DNAH11: variants seen among roughly 807,000 people sequenced by gnomAD.
DNAH11 encodes the protein dynein axonemal heavy chain 11, also known as axonemal beta dynein heavy chain 11.
DNAH11 carries 442 observed loss-of-function variants against 526.0 expected under a neutral mutation model. The observed-to-expected ratio is 0.84, with a 90% CI of 0.78 to 0.91. DNAH11 has a LOEUF of 0.91. Among genes scored for constraint, DNAH11 ranks in the 40% least tolerant of loss-of-function variants. The probability of loss-of-function intolerance (pLI) is 0.00; values close to 1 mark genes in which losing one functional copy is unlikely to be tolerated. For synonymous variants in DNAH11, 2,461 were observed against 1,935.9 expected (o/e 1.27, Z -7.12); for missense variants, 6,989 against 5,448.7 (o/e 1.28, Z -8.90).
Position 21,892,638 on chromosome 7 carries a change from G to T in DNAH11, c.12721G>T (p.Asp4241Tyr), listed in dbSNP as rs750364522. 4 of 1,610,720 alleles carry T rather than the reference G, an allele frequency of 2.5e-6. No homozygotes were observed. Among genetic ancestry groups the T allele is most frequent in the Non-Finnish European group, 3.4e-6 (4 of 1,178,030 alleles). ...EMQPRNALSG[D>Y]ELGQSTEEKV... is the part of the protein sequence containing the mutation. ...GCAGCCCAGGAATGCACTCAGTGGT[G>T]ATGAACTGGGGCAGTCTACAGAAGA... Residue 4241 changes from aspartate (D) to tyrosine (Y), a missense_variant, in exon 77 of 82, where the codon GAT (aspartate) becomes TAT (tyrosine). Coordinates refer to ENST00000409508, the MANE Select transcript of DNAH11 (RefSeq NM_001277115.2).
At chr7:21,632,351 C>T (rs988850794) in intron 25 of DNAH11, among the ~76,000 whole-genome samples, 2 of 152,194 alleles carry the variant, frequency 1.3e-5, no homozygotes, top group Non-Finnish European at 2.9e-5. Context: ...GTTACTTTTG[C>T]AAATTTCTGC....
chr7:21,573,089 A>G lies in DNAH11; in HGVS notation c.1593+1116A>G, dbSNP rs189871956. On this transcript the variant is annotated intron_variant, in intron 8 of 81. Transcript: ENST00000409508. ...GCAAGAGAGTCTTGATTTTGTTATAATTACAAAAACTGGCAAGTTTTCAGA... is the reference window on the plus strand; with the variant it reads ...GCAAGAGAGTCTTGATTTTGTTATAGTTACAAAAACTGGCAAGTTTTCAGA... Among the ~76,000 whole-genome samples the G allele has an allele frequency of 5.4e-3, 817 of 152,292 alleles. 10 individuals are homozygous for G. The highest frequency in any genetic ancestry group is 0.031 in the Admixed American group (478 of 15,286).
chr7:21,744,026 G>A (rs988551351), intron 49 of DNAH11, among the ~76,000 whole-genome samples: 2 of 152,020 alleles, frequency 1.3e-5, no homozygotes, highest in African/African-American at 4.8e-5. Flanking sequence ...CTTTACTCTT[G>A]GTCTTGTATT....
chr7:21,722,637 A>C (rs369982140), intron 44 of DNAH11, among the ~76,000 whole-genome samples: 2 of 152,106 alleles, frequency 1.3e-5, no homozygotes, highest in South Asian at 4.1e-4. Flanking sequence ...CTCAGAAGCC[A>C]GATTCCTTCT....
At chr7:21,650,850 G>A (rs907011958) in intron 28 of DNAH11, among the ~76,000 whole-genome samples, 1 of 151,554 alleles carries the variant, frequency 6.6e-6, no homozygotes, top group South Asian at 2.1e-4. Flanking sequence ...ATATTGGCCA[G>A]GCTGGTCTCG....
At chr7:21,823,693 CA>C (rs1385736464) in intron 65 of DNAH11, among the ~76,000 whole-genome samples, 1 of 151,890 alleles carries the variant, frequency 6.6e-6, no homozygotes, top group East Asian at 1.9e-4. Context: ...TTAACCAAAA[CA>C]AAAACAGAGC....
chr7:21,673,427 A>G (rs745514344), intron 30 of DNAH11, among the ~76,000 whole-genome samples: 2 of 152,224 alleles, frequency 1.3e-5, no homozygotes, highest in Non-Finnish European at 2.9e-5. Context: ...CCTGTCAGTC[A>G]GTGCTTTTAT....
In DNAH11 at chr7:21,687,547, T is replaced by C; in HGVS notation, c.5924+20T>C. On this transcript the variant is annotated intron_variant, in intron 34 of 81. Transcript: ENST00000409508. ...GAAGAGGTGAGTGGCATGCAGGCTA[T>C]CTCTTGTTACAAATAGAAAAACATG... The C allele has an allele frequency of 6.2e-7, 1 of 1,609,860 alleles. No individual in the cohort carries two copies.
In DNAH11 at chr7:21,606,728, G is replaced by C; in HGVS notation, c.3847G>C (p.Asp1283His). ...TGCAGAAAATCCATACACAGCGCTT[G>C]ATAAGGTAATACAGATCTCAAATAT... is the stretch of plus-strand genomic sequence containing the variant. The part of the protein sequence containing the change: ...FNAENPYTAL[D>H]KANEELEALE... Residue 1283 changes from aspartate to histidine, a missense_variant, in exon 20 of 82, where the codon GAT (aspartate) becomes CAT (histidine). By Grantham distance (81) the Asp-to-His change is moderately conservative (BLOSUM62 -1). Transcript: ENST00000409508. 1 of 1,604,652 alleles carries C rather than the reference G, an allele frequency of 6.2e-7. No homozygotes were observed. The highest frequency in any genetic ancestry group is 8.5e-7 in the Non-Finnish European group (1 of 1,176,048).
chr7:21,801,527 T>C (rs758860279), intron 62 of DNAH11, among the ~76,000 whole-genome samples: 31 of 152,338 alleles, frequency 2.0e-4, no homozygotes, highest in Non-Finnish European at 4.3e-4. Flanking sequence ...ACATATACTT[T>C]ATCAGAATTT....
In DNAH11 at chr7:21,635,141, AGTTT is replaced by A. The variant is rs56996600; in HGVS notation, c.4501-700_4501-697del. Among the ~76,000 whole-genome samples the A allele has an allele frequency of 8.6e-3, 1,295 of 151,204 alleles. 18 individuals carry two copies. The highest frequency in any genetic ancestry group is 0.027 in the African/African-American group (1,103 of 41,064). ...AGGGCCTAGCAGGCTGGTGGGGGGC[AGTTT>A]GTTTGTTTGTTTGTTTGTTTGTTTG... On this transcript the variant is annotated intron_variant, in intron 25 of 81. Coordinates refer to ENST00000409508, the MANE Select transcript of DNAH11 (RefSeq NM_001277115.2).
At chr7:21,705,411 T>A in intron 38 of DNAH11, 49 bp from the exon 39 acceptor site, 1 of 1,599,030 alleles carries the variant, frequency 6.3e-7, no homozygotes, top group Non-Finnish European at 8.6e-7. Flanking sequence ...ATTATCTTTT[T>A]GTCACCAACT....
rs111722565 is a variant in DNAH11 at position 21,885,187 on chromosome 7, A to C, written c.12507+777A>C. ...AATGAACTATAAAAAAAAAAAAAAA[A>C]ACACACACATTTATGACACAATGGG... On this transcript the variant is annotated intron_variant, in intron 76 of 81. Coordinates refer to ENST00000409508, the MANE Select transcript of DNAH11 (RefSeq NM_001277115.2). Among the ~76,000 whole-genome samples, 118 of 147,882 alleles carry C rather than the reference A, an allele frequency of 8.0e-4. 2 individuals carry two copies. The highest frequency in any genetic ancestry group is 2.5e-3 in the African/African-American group (102 of 40,848).
At chr7:21,665,581 C>T (rs1040101105) in intron 30 of DNAH11, among the ~76,000 whole-genome samples, 3 of 152,044 alleles carry the variant, frequency 2.0e-5, no homozygotes, top group African/African-American at 7.2e-5. Flanking sequence ...ATTCATATCC[C>T]AGTAGCTTTG....
rs1280404986 is a variant in DNAH11 at position 21,543,049 on chromosome 7, T to A, written c.-197T>A. 6.6e-6 allele frequency among the ~76,000 whole-genome samples: 1 copy of A among 152,164 alleles called. No individual in the cohort carries two copies. Among genetic ancestry groups the A allele is most frequent in the East Asian group, 1.9e-4 (1 of 5,164 alleles). ...CGGGACGCGCTGCTTGTCCCAGGCC[T>A]TCGCTTCGGCCTGCGAGGCTACAGC... On this transcript the variant is annotated 5_prime_UTR_variant, in exon 1 of 82. Transcript: ENST00000409508.
intron 31 of DNAH11, among the ~76,000 whole-genome samples, chr7:21,683,379 C>G (rs938822208): frequency 1.3e-5 from 2 of 152,152 alleles, no homozygotes; most frequent in Admixed American, 1.3e-4. Flanking sequence ...TTAGAATGAA[C>G]TTGGTTGAAA....
intron 73 of DNAH11, among the ~76,000 whole-genome samples, chr7:21,871,652 A>G (rs1397827888): frequency 6.6e-6 from 1 of 152,230 alleles, no homozygotes; most frequent in Non-Finnish European, 1.5e-5. Context: ...GGAATGAGAA[A>G]TACGCTTTCC....
intron 57 of DNAH11, among the ~76,000 whole-genome samples, chr7:21,779,592 A>G (rs1787850430): frequency 6.6e-6 from 1 of 152,208 alleles, no homozygotes; most frequent in Admixed American, 6.5e-5. Context: ...AGGCCCTGGC[A>G]TTCTGTATTA....
intron 73 of DNAH11, among the ~76,000 whole-genome samples, chr7:21,869,626 C>T (rs114471173): frequency 0.012 from 1,858 of 152,326 alleles, 46 homozygotes; most frequent in African/African-American, 0.042. Flanking sequence ...GTGTGAATTT[C>T]CTATGGCTCT....
Sources: allele counts gnomAD v4.1 joint callset (sites outside exome capture counted in the v4.1 genomes callset), GRCh38; gene constraint gnomAD v4.1.1; transcripts MANE v1.5; gene names NCBI Gene and HGNC (gene_info 2026-07-23, HGNC 2026-07-21).